Variants in GLIS3 observed in about 807,000 individuals in gnomAD.
The protein encoded by GLIS3 is GLIS family zinc finger 3.
Under a neutral mutation model 78.6 loss-of-function variants are expected in GLIS3, and 53 were observed. That is an observed-to-expected ratio of 0.67 (90% CI 0.54 to 0.85). The LOEUF (loss-of-function observed/expected upper bound fraction) is 0.85, where lower values mean the gene tolerates loss of function less well. Among genes scored for constraint, GLIS3 ranks in the 40% least tolerant of loss-of-function variants. The pLI is 0.00. For missense variants in GLIS3, 1,703 were observed against 1,231.1 expected (o/e 1.38, Z -5.74); for synonymous variants, 684 against 509.9 (o/e 1.34, Z -4.60).
rs541701799 is a variant in GLIS3, at chr9:4,185,659, A to C, written c.389-59718T>G. The stretch of plus-strand genomic sequence containing the variant: ...AAATATAAAGGTAATGGCCAGTTTG[A>C]AGAAGGGAATCAGTCAATCATGTGG... On this transcript the variant is annotated intron_variant, in intron 2 of 10. Transcript: ENST00000381971. Among the ~76,000 whole-genome samples, 3 of 152,340 alleles carry C rather than the reference A, an allele frequency of 2.0e-5. No individual in the cohort carries two copies. The East Asian group carries it at 5.8e-4, about 29-fold the overall frequency.
intron 4 of GLIS3, among the ~76,000 whole-genome samples, chr9:4,027,849 C>G (rs28491516): frequency 6.6e-6 from 1 of 152,184 alleles, no homozygotes; most frequent in Non-Finnish European, 1.5e-5. Context: ...AGGAGAGGTA[C>G]GCTCCAGCTA....
At chr9:4,459,323 T>C in the GLIS3 span, among the ~76,000 whole-genome samples, 1 of 152,198 alleles carries the variant, frequency 6.6e-6, no homozygotes. Flanking sequence ...AGATAGAGGA[T>C]ACAGGAGGTC....
rs146562768 is a variant in GLIS3, at chr9:4,113,992, G to A, written c.1710+3776C>T. Among the ~76,000 whole-genome samples the A allele has an allele frequency of 6.1e-5, 9 of 148,462 alleles. No homozygotes were observed. The East Asian group carries it at 1.6e-3, about 27-fold the overall frequency. On this transcript the variant is annotated intron_variant, in intron 4 of 10. Transcript: ENST00000381971. ...TTGCCATTGGATAAAATTCATCCAG[G>A]AAAAATAAACAAAATTTAAGCGGAG...
At chr9:4,408,908 G>T in the GLIS3 span, among the ~76,000 whole-genome samples, 65 of 151,730 alleles carry the variant, frequency 4.3e-4, no homozygotes, top group African/African-American at 1.5e-3. Context: ...TCCATGATGG[G>T]ATTACTACAC....
At chr9:4,187,142 G>C in intron 2 of GLIS3, among the ~76,000 whole-genome samples, 1 of 152,178 alleles carries the variant, frequency 6.6e-6, no homozygotes. Flanking sequence ...TAACGTTTAA[G>C]TCTTTAATCC....
upstream of GLIS3, among the ~76,000 whole-genome samples, chr9:4,351,873 A>T (rs1218668044): frequency 6.6e-6 from 1 of 152,196 alleles, no homozygotes; most frequent in African/African-American, 2.4e-5. Context: ...TCTTAAAAAA[A>T]AAATGCACAC....
chr9:4,080,084 T>C (rs1361512027), intron 4 of GLIS3, among the ~76,000 whole-genome samples: 1 of 152,240 alleles, frequency 6.6e-6, no homozygotes, highest in African/African-American at 2.4e-5. Context: ...TGCCTGCTTG[T>C]CAAATTCAAT....
chr9:4,350,041 A>G (rs1345711063), upstream of GLIS3, among the ~76,000 whole-genome samples: 5 of 152,222 alleles, frequency 3.3e-5, 1 homozygote, highest in Non-Finnish European at 7.3e-5. Context: ...ACTGACTTTG[A>G]CCAAACTGAG....
the GLIS3 span, among the ~76,000 whole-genome samples, chr9:4,435,932 G>C: frequency 2.0e-5 from 3 of 151,984 alleles, no homozygotes; most frequent in Non-Finnish European, 2.9e-5. Context: ...CTGGGTGACA[G>C]AGCCAGACTC....
intron 4 of GLIS3, among the ~76,000 whole-genome samples, chr9:3,990,656 G>C (rs1247092636): frequency 6.6e-6 from 1 of 152,110 alleles, no homozygotes; most frequent in Non-Finnish European, 1.5e-5. Context: ...AATAGCCCTT[G>C]CCTTCTACTA....
chr9:3,893,862 G>T (rs973507028), intron 7 of GLIS3, among the ~76,000 whole-genome samples: 3 of 152,184 alleles, frequency 2.0e-5, no homozygotes, highest in African/African-American at 7.2e-5. Flanking sequence ...CAGGTGATTT[G>T]ATGCATACTG....
chr9:4,067,866 A>T (rs1588590705), intron 4 of GLIS3, among the ~76,000 whole-genome samples: 1 of 152,172 alleles, frequency 6.6e-6, no homozygotes, highest in Admixed American at 6.5e-5. Flanking sequence ...CATAACAATA[A>T]TAGTTAAAAA....
At chr9:4,262,751 C>T (rs999718392) in intron 2 of GLIS3, among the ~76,000 whole-genome samples, 64 of 152,170 alleles carry the variant, frequency 4.2e-4, no homozygotes, top group African/African-American at 1.5e-3. Context: ...ACCCCATTTC[C>T]TGCTTCACAT....
intron 4 of GLIS3, chr9:4,308,642 C>A (rs904826302): frequency 2.0e-5 from 3 of 152,878 alleles, no homozygotes; most frequent in Admixed American, 1.3e-4. Context: ...GGCCCCACCC[C>A]CCAGAGATTC....
At chr9:3,974,925 A>G (rs954846928) in intron 4 of GLIS3, among the ~76,000 whole-genome samples, 1 of 152,130 alleles carries the variant, frequency 6.6e-6, no homozygotes, top group Non-Finnish European at 1.5e-5. Context: ...ATTAAAAAGA[A>G]AAAGAAAGGT....
the GLIS3 span, among the ~76,000 whole-genome samples, chr9:4,358,153 T>C: frequency 3.9e-5 from 6 of 152,324 alleles, no homozygotes; most frequent in East Asian, 1.2e-3. Flanking sequence ...TATATGTGTA[T>C]GTGTGTATAT....
chr9:4,054,033 T>C (rs1247376765), intron 4 of GLIS3, among the ~76,000 whole-genome samples: 4 of 152,214 alleles, frequency 2.6e-5, no homozygotes, highest in East Asian at 3.8e-4. Flanking sequence ...TTCTTGCTAT[T>C]TGAATGAGAA....
chr9:4,290,930 T>TA (rs1185171748), intron 1 of GLIS3, among the ~76,000 whole-genome samples: 2 of 152,168 alleles, frequency 1.3e-5, no homozygotes, highest in African/African-American at 2.4e-5. Context: ...TATATTATGA[T>TA]ATGATAACCC....
At chr9:4,094,010 C>A (rs1027930030) in intron 4 of GLIS3, among the ~76,000 whole-genome samples, 1 of 152,100 alleles carries the variant, frequency 6.6e-6, no homozygotes, top group South Asian at 2.1e-4. Context: ...TCATCATCCT[C>A]GTTGAATTCA....
Sources: allele counts gnomAD v4.1 joint callset (sites outside exome capture counted in the v4.1 genomes callset), GRCh38; gene constraint gnomAD v4.1.1; transcripts MANE v1.5; gene names NCBI Gene and HGNC (gene_info 2026-07-23, HGNC 2026-07-21).